The following CHD8 variants were observed in gnomAD, a reference collection of about 807,000 sequenced individuals.
The protein encoded by CHD8 is ATP-dependent chromatin remodeler CHD8.
A neutral mutation model predicts 279.2 loss-of-function variants in CHD8; 31 were observed. The observed-to-expected ratio is 0.11, with a 90% CI of 0.08 to 0.15. CHD8 has a LOEUF of 0.15. Ranked by LOEUF, CHD8 falls within the 10% of genes least tolerant of loss-of-function variation. The probability of loss-of-function intolerance (pLI) is 1.00; values close to 1 mark genes in which losing one functional copy is unlikely to be tolerated. For missense variants in CHD8, 2,146 were observed against 3,230.5 expected, an observed-to-expected ratio of 0.66 and a Z score of 8.14; for synonymous variants, 1,081 against 1,139.6, an observed-to-expected ratio of 0.95 and a Z score of 1.04.
Position 21,429,153 on chromosome 14 carries a change from C to A in CHD8, c.1026G>T (p.Leu342=), listed in dbSNP as rs1274320771. The change falls in exon 3 of 38, where the codon CTG becomes CTT. Residue 342 remains leucine (L), a synonymous_variant. Coordinates refer to ENST00000646647, the MANE Select transcript of CHD8 (RefSeq NM_001170629.2). ...TTTTTTGCTGTGGCTGCTGCACCTG[C>A]AGCTGGATAGTTACTACCTTGGCAG... The part of the protein sequence containing the change: ...GQPAKVVTIQ[L]QVQQPQQKIQ... The A allele has an allele frequency of 6.2e-7, 1 of 1,613,898 alleles. No individual in the cohort carries two copies. Among genetic ancestry groups the A allele is most frequent in the Non-Finnish European group, 8.5e-7 (1 of 1,179,906 alleles).
chr14:21,401,318 G>C, intron 21 of CHD8, 85 bp downstream of exon 21: 2 of 841,478 alleles, frequency 2.4e-6, no homozygotes, highest in Non-Finnish European at 3.7e-6. Flanking sequence ...ATCACAATTA[G>C]CATCAAATAA....
At position 21,393,990 on chromosome 14, in the gene CHD8, T is replaced by C. The variant is rs1245728021; in HGVS notation, c.5805A>G (p.Arg1935=). The C allele has an allele frequency of 1.2e-6, 2 of 1,613,780 alleles. No individual in the cohort carries two copies. The highest frequency in any genetic ancestry group is 1.3e-5 in the African/African-American group (1 of 74,902). The change falls in exon 32 of 38, where the codon AGA becomes AGG. Residue 1935 remains arginine, a synonymous_variant. Transcript: ENST00000646647. ...GGCTCACCCCATGGCGGGCTGCCCC[T>C]CTTAGAAGCTCCCCATCATGCCGAA... ...EPVRHDGELL[R]GAARHGVSQT...
At chr14:21,418,840 A>AAATT (rs1888877247) in intron 5 of CHD8, among the ~76,000 whole-genome samples, 1 of 152,302 alleles carries the variant, frequency 6.6e-6, no homozygotes, top group African/African-American at 2.4e-5. Flanking sequence ...ATAAATAAAT[A>AAATT]AAGTTCAAAA....
chr14:21,391,717 G>A, intron 35 of CHD8, 75 bp from the exon 36 acceptor site: 2 of 1,516,688 alleles, frequency 1.3e-6, no homozygotes, highest in South Asian at 1.2e-5. Flanking sequence ...CAGGGCCAAT[G>A]GTAGTCATGA....
intron 5 of CHD8, chr14:21,416,410 G>A (rs188360121): frequency 1.3e-5 from 2 of 152,068 alleles, no homozygotes; most frequent in African/African-American, 2.4e-5. Flanking sequence ...ATTCTTTCAA[G>A]TGGCTGAATT....
At chr14:21,445,549 C>A (rs1237434056) in intron 1 of CHD8, among the ~76,000 whole-genome samples, 1 of 151,468 alleles carries the variant, frequency 6.6e-6, no homozygotes, top group South Asian at 2.1e-4. Context: ...TTTAGCCAGG[C>A]GTGGTGGTGT....
At chr14:21,397,308 T>G (rs201950452) in intron 27 of CHD8, 1 of 518,600 alleles carries the variant, frequency 1.9e-6, no homozygotes, top group Admixed American at 1.9e-5. Flanking sequence ...CAGATCTTCA[T>G]GTGAGAAGTT....
intron 5 of CHD8, chr14:21,419,990 A>G (rs1254542621): frequency 1.1e-5 from 2 of 179,620 alleles, no homozygotes; most frequent in Non-Finnish European, 2.4e-5. Flanking sequence ...CGCATTGCCT[A>G]TGGGCTCCTC....
intron 1 of CHD8, among the ~76,000 whole-genome samples, chr14:21,452,975 T>C (rs1238720757): frequency 6.9e-6 from 1 of 145,678 alleles, no homozygotes; most frequent in East Asian, 2.0e-4. Flanking sequence ...ACAGCGAGAC[T>C]CCATCTCAAA....
intron 1 of CHD8, among the ~76,000 whole-genome samples, chr14:21,435,896 A>G (rs1001096463): frequency 3.3e-5 from 5 of 152,210 alleles, no homozygotes; most frequent in Non-Finnish European, 7.3e-5. Context: ...TTGGGATGGG[A>G]TAAGATTTCC....
intron 11 of CHD8, among the ~76,000 whole-genome samples, chr14:21,409,277 C>T (rs1888380996): frequency 6.6e-6 from 1 of 152,096 alleles, no homozygotes; most frequent in Admixed American, 6.5e-5. Context: ...TAAAAAAGTA[C>T]CAAGGGTAAT....
At chr14:21,392,477 C>T (rs749313449) in intron 34 of CHD8, 30 bp downstream of exon 34, 7 of 1,591,262 alleles carry the variant, frequency 4.4e-6, no homozygotes, top group Non-Finnish European at 6.0e-6. Context: ...CCTCCTTCCC[C>T]ACTTCCCAAT....
intron 30 of CHD8, 28 bp from the exon 31 acceptor site, chr14:21,394,513 AATCAGAAGAACAC>A (rs1420797688): frequency 6.7e-6 from 10 of 1,484,780 alleles, no homozygotes; most frequent in African/African-American, 1.4e-5. Flanking sequence ...GGGCAACAAT[AATCAGAAGAACAC>A]ATCAGAAGAA....
At chr14:21,407,791 T>C (rs1247149239) in intron 13 of CHD8, among the ~76,000 whole-genome samples, 3 of 152,022 alleles carry the variant, frequency 2.0e-5, no homozygotes, top group Admixed American at 6.6e-5. Context: ...ATATCTTTAG[T>C]AGAGATGGGG....
chr14:21,392,321 TCA>T, intron 34 of CHD8, 184 bp downstream of exon 34: 1 of 741,112 alleles, frequency 1.3e-6, no homozygotes, highest in Non-Finnish European at 2.3e-6. Context: ...GGATTAATAA[TCA>T]ATAGGGTTCA....
At chr14:21,444,114 A>G (rs967725574) in intron 1 of CHD8, among the ~76,000 whole-genome samples, 1 of 152,200 alleles carries the variant, frequency 6.6e-6, no homozygotes, top group Non-Finnish European at 1.5e-5. Flanking sequence ...AAGAAAATCA[A>G]CCTTTCTGAG....
chr14:21,414,981 G>T lies in CHD8; in HGVS notation c.1981C>A (p.Gln661Lys). 2 of 1,594,340 alleles carry T rather than the reference G, an allele frequency of 1.3e-6. No individual in the cohort carries two copies. Among genetic ancestry groups the T allele is most frequent in the Non-Finnish European group, 1.7e-6 (2 of 1,168,254 alleles). ...RIVKKELPSG[Q>K]YTEAEEFFVK... ...AAGAATTCTTCTGCTTCAGTATATT[G>T]TCCAGAAGGGAGCTAAGAAAAAAGA... Residue 661 changes from glutamine (Q) to lysine (K), a missense_variant, in exon 8 of 38, where the codon CAA (glutamine) becomes AAA (lysine). Transcript: ENST00000646647.
In CHD8 at chr14:21,427,871, G is replaced by T. The variant is rs1889395216; in HGVS notation, c.1599C>A (p.Leu533=). ...GASKTKGKSK[L]NTITPVVGKK... ...TCACAGTAGCAAGGAGTACTCACTT[G>T]AGCTTGCTCTTGCCCTTTGTTTTGG... is the stretch of plus-strand genomic sequence containing the variant. The change falls in exon 4 of 38, where the codon CTC becomes CTA. Residue 533 remains leucine, a splice_region_variant and synonymous_variant. Transcript: ENST00000646647. 6.2e-7 allele frequency: 1 copy of T among 1,613,586 alleles called. No individual in the cohort carries two copies.
intron 28 of CHD8, 90 bp from the exon 29 acceptor site, chr14:21,395,442 T>C: frequency 1.2e-6 from 1 of 847,166 alleles, no homozygotes; most frequent in Non-Finnish European, 1.9e-6. Context: ...TGTGTGTCCT[T>C]CTATGGCACC....
Sources: allele counts gnomAD v4.1 joint callset (sites outside exome capture counted in the v4.1 genomes callset), GRCh38; gene constraint gnomAD v4.1.1; transcripts MANE v1.5; gene names NCBI Gene and HGNC (gene_info 2026-07-23, HGNC 2026-07-21).